The following PDE4B variants were observed in gnomAD, a reference collection of about 807,000 sequenced individuals.
PDE4B encodes the protein 3',5'-cyclic-AMP phosphodiesterase 4B.
A neutral mutation model predicts 82.2 loss-of-function variants in PDE4B; 20 were observed. The ratio of observed to expected loss-of-function variants is 0.24; its 90% confidence interval spans 0.17 to 0.35. PDE4B has a LOEUF of 0.35. PDE4B is among the 10% of genes least tolerant of loss of function. The pLI, the probability that PDE4B is intolerant of heterozygous loss-of-function variation, is 1.00. For missense variants in PDE4B, 655 were observed against 907.2 expected (o/e 0.72, Z 3.57); for synonymous variants, 320 against 318.9 (o/e 1.00, Z -0.04).
intron 3 of PDE4B, among the ~76,000 whole-genome samples, chr1:66,074,044 C>A (rs1284790027): frequency 6.6e-6 from 1 of 152,106 alleles, no homozygotes; most frequent in African/African-American, 2.4e-5. Context: ...ATGTTTTGAG[C>A]ACTGTAATTC....
chr1:66,295,625 C>G (rs1657455070), intron 7 of PDE4B, among the ~76,000 whole-genome samples: 1 of 152,168 alleles, frequency 6.6e-6, no homozygotes, highest in African/African-American at 2.4e-5. Context: ...GACAGGGTTT[C>G]ACCATGTTGG....
intron 3 of PDE4B, among the ~76,000 whole-genome samples, chr1:66,246,113 G>A (rs1228619240): frequency 6.6e-6 from 1 of 152,180 alleles, no homozygotes; most frequent in Non-Finnish European, 1.5e-5. Context: ...GAAATTAGTT[G>A]CAAGACATGA....
At chr1:66,272,946 G>A (rs766407114) in intron 7 of PDE4B, among the ~76,000 whole-genome samples, 6 of 151,156 alleles carry the variant, frequency 4.0e-5, no homozygotes, top group African/African-American at 9.7e-5. Context: ...CCCCACCACC[G>A]TGCCCAGCTA....
chr1:65,959,412 G>A (rs1159606422), intron 3 of PDE4B, among the ~76,000 whole-genome samples: 1 of 152,038 alleles, frequency 6.6e-6, no homozygotes, highest in Non-Finnish European at 1.5e-5. Flanking sequence ...TTGACATAAA[G>A]GATAAAGAAC....
chr1:66,003,706 A>G (rs1481502505), intron 3 of PDE4B, among the ~76,000 whole-genome samples: 1 of 152,174 alleles, frequency 6.6e-6, no homozygotes, highest in East Asian at 1.9e-4. Context: ...TTATACAGGA[A>G]TTCTTTATCT....
chr1:65,984,206 T>C (rs950442885), intron 3 of PDE4B, among the ~76,000 whole-genome samples: 1 of 152,206 alleles, frequency 6.6e-6, no homozygotes, highest in African/African-American at 2.4e-5. Context: ...AAGGACATTG[T>C]GCTGAATAAA....
chr1:66,026,278 G>A (rs1001100653), intron 3 of PDE4B, among the ~76,000 whole-genome samples: 1 of 152,164 alleles, frequency 6.6e-6, no homozygotes, highest in African/African-American at 2.4e-5. Context: ...TGGATCTTGG[G>A]TAAATGGTTA....
At chr1:66,222,005 T>A (rs1367295544) in intron 3 of PDE4B, among the ~76,000 whole-genome samples, 1 of 152,154 alleles carries the variant, frequency 6.6e-6, no homozygotes, top group Non-Finnish European at 1.5e-5. Flanking sequence ...TTATCCCACA[T>A]AAAAGCCAAG....
chr1:66,271,130 A>G (rs2101747492), intron 7 of PDE4B, among the ~76,000 whole-genome samples: 1 of 152,392 alleles, frequency 6.6e-6, no homozygotes, highest in Non-Finnish European at 1.5e-5. Flanking sequence ...TGGTACTCGC[A>G]AAAACATTAA....
chr1:66,293,617 T>C (rs955004258), intron 7 of PDE4B, among the ~76,000 whole-genome samples: 1 of 152,218 alleles, frequency 6.6e-6, no homozygotes, highest in Non-Finnish European at 1.5e-5. Flanking sequence ...TATTAAACCA[T>C]ATTCAGCAAG....
chr1:66,057,491 G>A (rs769176134), intron 3 of PDE4B, among the ~76,000 whole-genome samples: 6 of 151,996 alleles, frequency 3.9e-5, no homozygotes, highest in East Asian at 1.9e-4. Flanking sequence ...TATTATATTC[G>A]TTCATTTTCA....
intron 3 of PDE4B, among the ~76,000 whole-genome samples, chr1:65,948,190 A>G (rs1331451681): frequency 2.6e-5 from 4 of 151,650 alleles, no homozygotes; most frequent in Non-Finnish European, 4.4e-5. Context: ...AAATTGTGCA[A>G]AGGCCCACCC....
At chr1:66,256,627 C>G (rs1654251329) in intron 4 of PDE4B, among the ~76,000 whole-genome samples, 1 of 152,104 alleles carries the variant, frequency 6.6e-6, no homozygotes, top group Non-Finnish European at 1.5e-5. Flanking sequence ...AGGAGAGGCC[C>G]AAATGGATGC....
chr1:66,021,076 G>A, intron 3 of PDE4B, among the ~76,000 whole-genome samples: 1 of 152,186 alleles, frequency 6.6e-6, no homozygotes. Flanking sequence ...GTGATGTTGA[G>A]CATTTTTTCA....
At chr1:66,214,822 C>A (rs1650326400) in intron 3 of PDE4B, among the ~76,000 whole-genome samples, 1 of 151,944 alleles carries the variant, frequency 6.6e-6, no homozygotes, top group Non-Finnish European at 1.5e-5. Context: ...ATTCAGGATC[C>A]AAAATAATCT....
At chr1:65,879,470 A>G (rs1646686154) in intron 1 of PDE4B, among the ~76,000 whole-genome samples, 1 of 152,200 alleles carries the variant, frequency 6.6e-6, no homozygotes, top group African/African-American at 2.4e-5. Flanking sequence ...CATATAAAAC[A>G]TAATTCTATA....
intron 3 of PDE4B, among the ~76,000 whole-genome samples, chr1:66,193,842 C>A (rs1648035274): frequency 6.6e-6 from 1 of 151,950 alleles, no homozygotes; most frequent in South Asian, 2.1e-4. Flanking sequence ...AGACTGAAAT[C>A]ATTATAGTGA....
At chr1:66,188,890 G>A (rs977847622) in intron 3 of PDE4B, among the ~76,000 whole-genome samples, 5 of 152,034 alleles carry the variant, frequency 3.3e-5, no homozygotes, top group African/African-American at 1.2e-4. Context: ...ATGTTAGCTG[G>A]GTATTTTGCT....
At chr1:65,817,428 T>C (rs1169583200) in intron 1 of PDE4B, among the ~76,000 whole-genome samples, 1 of 152,218 alleles carries the variant, frequency 6.6e-6, no homozygotes, top group Non-Finnish European at 1.5e-5. Flanking sequence ...TCTGTAACTC[T>C]AAATTTACAT....
Sources: gnomAD v4.1 joint callset for allele counts (sites outside exome capture counted in the v4.1 genomes callset) on GRCh38, gnomAD v4.1.1 for gene constraint, MANE v1.5 for transcripts, NCBI Gene and HGNC (gene_info 2026-07-23, HGNC 2026-07-21) for gene names.